The following GPC6 variants were observed in gnomAD, a reference collection of about 807,000 sequenced individuals.
The protein encoded by GPC6 is glypican 6.
In GPC6, 14 loss-of-function variants were observed where a neutral mutation model predicts 55.2. The observed-to-expected ratio is 0.25, with a 90% CI of 0.17 to 0.40. The LOEUF (loss-of-function observed/expected upper bound fraction) is 0.40, where lower values mean the gene tolerates loss of function less well. Among genes scored for constraint, GPC6 ranks in the 10% least tolerant of loss-of-function variants. GPC6 has a pLI of 1.00. For missense variants in GPC6, 641 were observed against 708.5 expected, an observed-to-expected ratio of 0.90 and a Z score of 1.08; for synonymous variants, 278 against 259.6, an observed-to-expected ratio of 1.07 and a Z score of -0.68.
chr13:94,046,436 T>C (rs1330328754), intron 4 of GPC6, among the ~76,000 whole-genome samples: 1 of 152,022 alleles, frequency 6.6e-6, no homozygotes, highest in Non-Finnish European at 1.5e-5. Context: ...ACTTATTGTG[T>C]GGACATGCCT....
At chr13:93,273,612 T>C (rs1039361949) in intron 1 of GPC6, among the ~76,000 whole-genome samples, 8 of 151,876 alleles carry the variant, frequency 5.3e-5, no homozygotes, top group Non-Finnish European at 7.4e-5. Context: ...GAACCGAGAT[T>C]GCGCCACTGC....
chr13:93,655,003 A>AT (rs3884231), intron 2 of GPC6, among the ~76,000 whole-genome samples: 4,046 of 104,724 alleles, frequency 0.039, 178 homozygotes, highest in African/African-American at 0.086. Flanking sequence ...TGCCCGGCTA[A>AT]TTTTTTTTTT....
chr13:93,231,522 C>T (rs530539732), intron 1 of GPC6, among the ~76,000 whole-genome samples: 29 of 150,072 alleles, frequency 1.9e-4, no homozygotes, highest in Admixed American at 7.3e-4. Context: ...TTTGTTCCAA[C>T]GTCTCTAATT....
chr13:93,906,645 G>A (rs1876685621), intron 3 of GPC6, among the ~76,000 whole-genome samples: 1 of 152,136 alleles, frequency 6.6e-6, no homozygotes, highest in Non-Finnish European at 1.5e-5. Flanking sequence ...ATGAAATTCA[G>A]AGGTAAGAAA....
At chr13:93,306,263 A>G (rs572273248) in intron 1 of GPC6, among the ~76,000 whole-genome samples, 1 of 152,322 alleles carries the variant, frequency 6.6e-6, no homozygotes, top group South Asian at 2.1e-4. Context: ...ATGTGATTAA[A>G]GCTAATGATG....
At chr13:94,156,358 T>C (rs13378469) in intron 4 of GPC6, among the ~76,000 whole-genome samples, 1,775 of 152,182 alleles carry the variant, frequency 0.012, 41 homozygotes, top group African/African-American at 0.04. Flanking sequence ...GTAATGAATA[T>C]GGATATAGGT....
chr13:93,512,646 T>C (rs754186257), intron 1 of GPC6, among the ~76,000 whole-genome samples: 1 of 152,046 alleles, frequency 6.6e-6, no homozygotes, highest in Non-Finnish European at 1.5e-5. Context: ...TCATCTGATA[T>C]TGGTTATCAG....
chr13:93,867,372 C>T (rs1888998946), intron 3 of GPC6, among the ~76,000 whole-genome samples: 1 of 151,822 alleles, frequency 6.6e-6, no homozygotes. Flanking sequence ...TGGAGTTGGA[C>T]GTTGGACTTT....
At chr13:93,422,767 C>T (rs1876967785) in intron 1 of GPC6, among the ~76,000 whole-genome samples, 1 of 151,968 alleles carries the variant, frequency 6.6e-6, no homozygotes, top group Admixed American at 6.6e-5. Context: ...ATTAACTGTC[C>T]AAAATATAGC....
At chr13:94,014,085 T>C (rs1882359515) in intron 3 of GPC6, among the ~76,000 whole-genome samples, 1 of 152,220 alleles carries the variant, frequency 6.6e-6, no homozygotes, top group Non-Finnish European at 1.5e-5. Context: ...TTACAATTCA[T>C]AATTGTTTCC....
chr13:93,330,753 C>A (rs954879718), intron 1 of GPC6, among the ~76,000 whole-genome samples: 2 of 152,158 alleles, frequency 1.3e-5, no homozygotes, highest in Admixed American at 6.6e-5. Flanking sequence ...ATGAAAAATT[C>A]TCTTGCATCT....
At chr13:93,975,851 C>T (rs1054472654) in intron 3 of GPC6, among the ~76,000 whole-genome samples, 2 of 152,004 alleles carry the variant, frequency 1.3e-5, no homozygotes, top group African/African-American at 4.8e-5. Flanking sequence ...ATAAATATGG[C>T]CAGCTTTAGT....
intron 4 of GPC6, among the ~76,000 whole-genome samples, chr13:94,171,056 T>G (rs1238134084): frequency 1.3e-5 from 2 of 152,194 alleles, no homozygotes; most frequent in Non-Finnish European, 2.9e-5. Flanking sequence ...CTGAGTGTTA[T>G]TTCATTGTCT....
At chr13:94,033,569 G>T (rs1407361052) in intron 4 of GPC6, among the ~76,000 whole-genome samples, 1 of 152,132 alleles carries the variant, frequency 6.6e-6, no homozygotes, top group African/African-American at 2.4e-5. Context: ...TGCATTTTAG[G>T]AGATAAAATA....
chr13:93,270,752 G>A (rs1444904942), intron 1 of GPC6, among the ~76,000 whole-genome samples: 1 of 146,972 alleles, frequency 6.8e-6, no homozygotes, highest in South Asian at 2.1e-4. Flanking sequence ...CAAGTGGACA[G>A]TCCCCCCAGT....
chr13:93,599,596 T>C lies in GPC6; in HGVS notation c.319+54175T>C, dbSNP rs560520439. ...ATTTGTAGGTTATAATGGCAGCTTG[T>C]AGGGTCACAGATGGCCTTAGGAGGG... is the stretch of plus-strand genomic sequence containing the variant. On this transcript the variant is annotated intron_variant, in intron 2 of 8. Transcript: ENST00000377047. Among the ~76,000 whole-genome samples the C allele has an allele frequency of 1.8e-4, 27 of 152,228 alleles. No homozygotes were observed. In the East Asian group the frequency reaches 4.8e-3, roughly 27 times the overall value.
intron 4 of GPC6, among the ~76,000 whole-genome samples, chr13:94,118,343 C>T (rs529344871): frequency 6.6e-6 from 1 of 152,154 alleles, no homozygotes; most frequent in Admixed American, 6.6e-5. Context: ...GATATGTTTG[C>T]TTCCCCTTCT....
At chr13:93,673,078 C>A (rs993957343) in intron 2 of GPC6, among the ~76,000 whole-genome samples, 2 of 152,054 alleles carry the variant, frequency 1.3e-5, no homozygotes, top group African/African-American at 4.8e-5. Flanking sequence ...GAAGATGTAG[C>A]ACATAGACTG....
At chr13:93,607,763 A>G (rs1878301737) in intron 2 of GPC6, among the ~76,000 whole-genome samples, 1 of 152,058 alleles carries the variant, frequency 6.6e-6, no homozygotes, top group Admixed American at 6.6e-5. Context: ...GTGTGGCTTC[A>G]AACTTCTTCT....
Sources: gnomAD v4.1 joint callset for allele counts (sites outside exome capture counted in the v4.1 genomes callset) on GRCh38, gnomAD v4.1.1 for gene constraint, MANE v1.5 for transcripts, NCBI Gene and HGNC (gene_info 2026-07-23, HGNC 2026-07-21) for gene names.